CTNNA2: variants seen among roughly 807,000 people sequenced by gnomAD.
CTNNA2 encodes the protein catenin alpha 2.
CTNNA2 carries 42 observed loss-of-function variants against 101.0 expected under a neutral mutation model. The ratio of observed to expected loss-of-function variants is 0.42; its 90% CI spans 0.32 to 0.54. CTNNA2 has a LOEUF of 0.54. CTNNA2 is among the 20% of genes least tolerant of loss of function. CTNNA2 has a pLI of 0.14. For synonymous variants in CTNNA2, 450 were observed against 456.4 expected (o/e 0.99, Z 0.18); for missense variants, 871 against 1,223.1 (o/e 0.71, Z 4.29).
intron 7 of CTNNA2, among the ~76,000 whole-genome samples, chr2:79,989,565 G>C (rs184495177): frequency 1.3e-5 from 2 of 152,140 alleles, no homozygotes; most frequent in Admixed American, 6.5e-5. Flanking sequence ...GAGCCCAGGA[G>C]GTCAAGGCTG....
chr2:80,438,039 C>T (rs573885980), intron 9 of CTNNA2, among the ~76,000 whole-genome samples: 1 of 152,222 alleles, frequency 6.6e-6, no homozygotes, highest in Admixed American at 6.5e-5. Context: ...CAAAACAACA[C>T]ACACTGAGTG....
At chr2:79,198,494 C>T (rs1211822928) in intron 2 of CTNNA2, among the ~76,000 whole-genome samples, 3 of 152,102 alleles carry the variant, frequency 2.0e-5, no homozygotes, top group Admixed American at 2.0e-4. Context: ...AATAAACCAG[C>T]ATTAGTTATT....
chr2:79,727,200 C>T (rs1412450463), intron 2 of CTNNA2, among the ~76,000 whole-genome samples: 1 of 152,160 alleles, frequency 6.6e-6, no homozygotes, highest in African/African-American at 2.4e-5. Flanking sequence ...AAAGATTAGA[C>T]TTTGTAATTA....
chr2:79,210,943 A>C (rs188541267), intron 2 of CTNNA2, among the ~76,000 whole-genome samples: 1 of 152,096 alleles, frequency 6.6e-6, no homozygotes, highest in Admixed American at 6.6e-5. Context: ...AAAATGAAGT[A>C]CTGTAGCTTT....
chr2:79,320,439 A>C (rs1676593473), intron 3 of CTNNA2, among the ~76,000 whole-genome samples: 1 of 138,808 alleles, frequency 7.2e-6, no homozygotes, highest in Non-Finnish European at 1.6e-5. Context: ...TTGTACTTCT[A>C]ACCAACCTAG....
chr2:79,301,545 T>C (rs1676107694), intron 2 of CTNNA2, among the ~76,000 whole-genome samples: 1 of 152,166 alleles, frequency 6.6e-6, no homozygotes. Context: ...TGCTGTATGC[T>C]CCTACGTTCG....
At chr2:80,149,591 C>T (rs1223998979) in intron 7 of CTNNA2, among the ~76,000 whole-genome samples, 7 of 152,100 alleles carry the variant, frequency 4.6e-5, no homozygotes, top group Admixed American at 3.9e-4. Flanking sequence ...ATAGAAATAC[C>T]CCTTAATATG....
rs144988410 is a variant in CTNNA2 at position 79,305,296 on chromosome 2, A to G, written c.-405-7413A>G. Among the ~76,000 whole-genome samples the G allele has an allele frequency of 4.1e-3, 605 of 148,900 alleles. 5 individuals carry two copies. The highest frequency in any genetic ancestry group is 0.013 in the African/African-American group (511 of 40,818). On this transcript the variant is annotated intron_variant, in intron 2 of 21. Transcript: ENST00000466387. Reference sequence around the variant, plus strand: ...CATATATGTAGATACGTGTGTGTGTATATATATACATATATATACACATAT... The same window carrying G: ...CATATATGTAGATACGTGTGTGTGTGTATATATACATATATATACACATAT...
chr2:80,495,966 A>AAAAAAAAAAC (rs1687431177), intron 9 of CTNNA2, among the ~76,000 whole-genome samples: 1 of 144,428 alleles, frequency 6.9e-6, no homozygotes, highest in Non-Finnish European at 1.5e-5. Context: ...AAAAAAAAAA[A>AAAAAAAAAAC]AGGTGGCCAT....
At chr2:80,007,832 G>T (rs1035304440) in intron 7 of CTNNA2, among the ~76,000 whole-genome samples, 1 of 152,138 alleles carries the variant, frequency 6.6e-6, no homozygotes, top group Non-Finnish European at 1.5e-5. Context: ...TGGAGGAGGT[G>T]AGGACAGTGA....
At chr2:79,985,969 A>G (rs1331945279) in intron 7 of CTNNA2, among the ~76,000 whole-genome samples, 3 of 152,126 alleles carry the variant, frequency 2.0e-5, no homozygotes, top group Non-Finnish European at 4.4e-5. Flanking sequence ...AGGAATAGAC[A>G]TTTGCTTTCC....
At chr2:79,968,349 A>G (rs916322282) in intron 7 of CTNNA2, among the ~76,000 whole-genome samples, 6 of 152,230 alleles carry the variant, frequency 3.9e-5, no homozygotes, top group Admixed American at 2.6e-4. Flanking sequence ...TTTGTAAAAT[A>G]CAAAATTCAT....
At chr2:79,268,718 A>G (rs1016695131) in intron 2 of CTNNA2, among the ~76,000 whole-genome samples, 4 of 152,070 alleles carry the variant, frequency 2.6e-5, no homozygotes, top group African/African-American at 4.8e-5. Flanking sequence ...GGTGCCTACT[A>G]CAGAACTGAT....
intron 17 of CTNNA2, among the ~76,000 whole-genome samples, chr2:80,609,855 T>A (rs1406915080): frequency 6.6e-6 from 1 of 151,742 alleles, no homozygotes; most frequent in Non-Finnish European, 1.5e-5. Flanking sequence ...CTCTCCATCA[T>A]CCTCTCAGTA....
chr2:80,095,991 G>C (rs1231432594), intron 7 of CTNNA2, among the ~76,000 whole-genome samples: 2 of 151,956 alleles, frequency 1.3e-5, no homozygotes, highest in Non-Finnish European at 1.5e-5. Context: ...GGTTTTTTGT[G>C]TCTCTATTTC....
At position 79,589,203 on chromosome 2, in the gene CTNNA2, C is replaced by T. The variant is rs28587866; in HGVS notation, c.-5-62349C>T. Among the ~76,000 whole-genome samples, 160 of 152,230 alleles carry T rather than the reference C, an allele frequency of 1.1e-3. 1 individual carries two copies. The highest frequency in any genetic ancestry group is 3.6e-3 in the African/African-American group (150 of 41,546). ...CTTTTCTTCTAAAGTGATCTAAGGCCGTGCCACCAGCAGGCCAAGGCAGTC... is the reference window on the plus strand; with the variant it reads ...CTTTTCTTCTAAAGTGATCTAAGGCTGTGCCACCAGCAGGCCAAGGCAGTC... On this transcript the variant is annotated intron_variant, in intron 1 of 18. Coordinates refer to ENST00000402739, the MANE Select transcript of CTNNA2 (RefSeq NM_001282597.3).
chr2:80,570,125 T>A (rs1694450204), intron 12 of CTNNA2, among the ~76,000 whole-genome samples: 1 of 152,170 alleles, frequency 6.6e-6, no homozygotes, highest in Admixed American at 6.5e-5. Flanking sequence ...CTTGGTTCAC[T>A]GCAACCTCTG....
chr2:79,583,189 TA>T (rs941767847), intron 1 of CTNNA2, among the ~76,000 whole-genome samples: 4 of 151,486 alleles, frequency 2.6e-5, no homozygotes, highest in African/African-American at 9.7e-5. Flanking sequence ...TGATTATAAA[TA>T]AATCTGATAT....
At chr2:79,635,835 A>G (rs1001893651) in intron 1 of CTNNA2, among the ~76,000 whole-genome samples, 1 of 151,916 alleles carries the variant, frequency 6.6e-6, no homozygotes, top group South Asian at 2.1e-4. Context: ...TTGACATATG[A>G]CCATAGGAGT....
Sources: gnomAD v4.1 joint callset for allele counts (sites outside exome capture counted in the v4.1 genomes callset) on GRCh38, gnomAD v4.1.1 for gene constraint, MANE v1.5 for transcripts, NCBI Gene and HGNC (gene_info 2026-07-23, HGNC 2026-07-21) for gene names.